GRM7: variants seen among roughly 807,000 people sequenced by gnomAD.
GRM7 encodes glutamate metabotropic receptor 7.
Under a neutral mutation model 84.5 loss-of-function variants are expected in GRM7, and 35 were observed. The observed-to-expected ratio is 0.41, with a 90% CI of 0.32 to 0.55. The LOEUF (loss-of-function observed/expected upper bound fraction) is 0.55. GRM7 is among the 20% of genes least tolerant of loss of function. GRM7 has a pLI of 0.19. For synonymous variants in GRM7, 487 were observed against 455.1 expected (o/e 1.07, Z -0.89); for missense variants, 1,003 against 1,194.6 (o/e 0.84, Z 2.36).
chr3:7,426,840 G>A (rs983911140), intron 5 of GRM7, among the ~76,000 whole-genome samples: 1 of 152,296 alleles, frequency 6.6e-6, no homozygotes, highest in African/African-American at 2.4e-5. Flanking sequence ...ACTACAAGTG[G>A]TTGTTGAGAA....
At chr3:7,568,775 C>G (rs965516279) in intron 7 of GRM7, among the ~76,000 whole-genome samples, 1 of 152,172 alleles carries the variant, frequency 6.6e-6, no homozygotes, top group Non-Finnish European at 1.5e-5. Context: ...GGTCCCCCAA[C>G]AGTACCGGCC....
rs1002666778 is a variant in GRM7 at position 7,300,945 on chromosome 3, G to A, written c.878+2120G>A. 9.9e-5 allele frequency among the ~76,000 whole-genome samples: 15 copies of A among 152,218 alleles called. 4 individuals carry two copies. Among genetic ancestry groups the A allele is most frequent in the Admixed American group, 2.0e-4 (3 of 15,282 alleles). On this transcript the variant is annotated intron_variant, in intron 3 of 9. Transcript: ENST00000357716. The stretch of plus-strand genomic sequence containing the variant: ...TCAGGACATAGTAGCTCAATAAATG[G>A]CGTTGAACAAGTGAATGAAATTCCT...
intron 4 of GRM7, among the ~76,000 whole-genome samples, chr3:7,401,481 T>C (rs1409746743): frequency 6.6e-6 from 1 of 152,144 alleles, no homozygotes; most frequent in Non-Finnish European, 1.5e-5. Context: ...GAGCATGAAG[T>C]ACTCCTACTA....
intron 1 of GRM7, among the ~76,000 whole-genome samples, chr3:6,990,658 A>G (rs79289302): frequency 6.6e-6 from 1 of 151,970 alleles, no homozygotes; most frequent in Non-Finnish European, 1.5e-5. Flanking sequence ...CTTTACATAG[A>G]TCTATTCATT....
At chr3:7,553,653 C>T (rs376576597) in intron 7 of GRM7, among the ~76,000 whole-genome samples, 6 of 152,182 alleles carry the variant, frequency 3.9e-5, no homozygotes, top group African/African-American at 1.4e-4. Flanking sequence ...GGAAAAGTGC[C>T]AAGAGAAGGG....
chr3:7,084,222 C>A (rs1291040504), intron 1 of GRM7, among the ~76,000 whole-genome samples: 1 of 152,056 alleles, frequency 6.6e-6, no homozygotes, highest in Non-Finnish European at 1.5e-5. Context: ...ATAGTAGAGG[C>A]AACAGGCAAT....
At chr3:7,518,946 G>T (rs930814418) in intron 7 of GRM7, among the ~76,000 whole-genome samples, 4 of 151,976 alleles carry the variant, frequency 2.6e-5, no homozygotes, top group Admixed American at 2.6e-4. Context: ...TTTCTTTTGT[G>T]TAACAATCTA....
chr3:7,720,238 G>T (rs1450600817), intron 9 of GRM7, among the ~76,000 whole-genome samples: 2 of 152,094 alleles, frequency 1.3e-5, no homozygotes, highest in Non-Finnish European at 2.9e-5. Context: ...ACTTCATACT[G>T]CCTCTCACAT....
chr3:7,167,838 A>G (rs543414268), intron 2 of GRM7, among the ~76,000 whole-genome samples: 62 of 152,044 alleles, frequency 4.1e-4, no homozygotes, highest in Middle Eastern at 6.8e-3. Flanking sequence ...GCGTGGTGGC[A>G]GGCACCTGTA....
chr3:6,926,876 A>G (rs1280269529), intron 1 of GRM7, among the ~76,000 whole-genome samples: 1 of 152,234 alleles, frequency 6.6e-6, no homozygotes, highest in Non-Finnish European at 1.5e-5. Context: ...TTTGTACAAC[A>G]TATTTACCCA....
chr3:7,076,398 G>A (rs1292376540), intron 1 of GRM7, among the ~76,000 whole-genome samples: 1 of 152,070 alleles, frequency 6.6e-6, no homozygotes, highest in Admixed American at 6.6e-5. Flanking sequence ...CCCCCATGCT[G>A]TTCTTGTGAA....
intron 1 of GRM7, among the ~76,000 whole-genome samples, chr3:7,090,456 C>T (rs1574888193): frequency 6.6e-6 from 1 of 152,306 alleles, no homozygotes; most frequent in East Asian, 1.9e-4. Flanking sequence ...AGCATTCTTT[C>T]AAATGCAAGA....
At chr3:7,099,568 A>G (rs912423114) in intron 1 of GRM7, among the ~76,000 whole-genome samples, 1 of 146,314 alleles carries the variant, frequency 6.8e-6, no homozygotes, top group East Asian at 2.0e-4. Flanking sequence ...TACACGCATT[A>G]TACATGTGCA....
intron 1 of GRM7, among the ~76,000 whole-genome samples, chr3:6,975,920 T>G (rs1033585955): frequency 5.9e-5 from 9 of 152,194 alleles, no homozygotes; most frequent in Non-Finnish European, 1.3e-4. Context: ...AGGCATATTA[T>G]GAACATGTGA....
chr3:7,448,059 T>C (rs1281020353), intron 5 of GRM7, among the ~76,000 whole-genome samples: 1 of 151,766 alleles, frequency 6.6e-6, no homozygotes, highest in African/African-American at 2.4e-5. Flanking sequence ...TTCATCCATG[T>C]CCCTACAAAG....
At chr3:7,471,919 C>T (rs949478978) in intron 7 of GRM7, among the ~76,000 whole-genome samples, 1 of 152,126 alleles carries the variant, frequency 6.6e-6, no homozygotes, top group African/African-American at 2.4e-5. Context: ...CCCTCCAAAC[C>T]TCATGGTGCA....
Position 7,441,163 on chromosome 3 carries a change from A to G in GRM7, c.1175-11444A>G, listed in dbSNP as rs147946533. Among the ~76,000 whole-genome samples, 54 of 151,586 alleles carry G rather than the reference A, an allele frequency of 3.6e-4. 2 individuals are homozygous for G. In the East Asian group the frequency reaches 8.8e-3, roughly 25 times the overall value. The stretch of plus-strand genomic sequence containing the variant: ...TCTGCAACCTCACCAGCATCTGACC[A>G]TTTAATAATAGCCATTCTGACTGGT... On this transcript the variant is annotated intron_variant, in intron 5 of 9. Coordinates refer to ENST00000357716, the MANE Select transcript of GRM7 (RefSeq NM_000844.4).
intron 8 of GRM7, among the ~76,000 whole-genome samples, chr3:7,679,362 G>A (rs1700265848): frequency 6.6e-6 from 1 of 150,926 alleles, no homozygotes; most frequent in Non-Finnish European, 1.5e-5. Flanking sequence ...CAGTAGGCAA[G>A]CACAAACCAT....
rs573281593 is a variant in GRM7, at chr3:7,544,545, C to T, written c.1516-33877C>T. 2.3e-3 allele frequency among the ~76,000 whole-genome samples: 349 copies of T among 152,252 alleles called. 1 individual carries two copies. The highest frequency in any genetic ancestry group is 7.7e-3 in the African/African-American group (320 of 41,532). Reference sequence around the variant, plus strand: ...GGGTAGTTCCCAGCCTGGCTAAGCCCTATGTCCCATCTGTAAATCAAAGTT... The same window carrying T: ...GGGTAGTTCCCAGCCTGGCTAAGCCTTATGTCCCATCTGTAAATCAAAGTT... On this transcript the variant is annotated intron_variant, in intron 7 of 9. Transcript: ENST00000357716.
Sources: allele counts gnomAD v4.1 joint callset (sites outside exome capture counted in the v4.1 genomes callset), GRCh38; gene constraint gnomAD v4.1.1; transcripts MANE v1.5; gene names NCBI Gene and HGNC (gene_info 2026-07-23, HGNC 2026-07-21).